Variants in THOC1 observed in about 807,000 individuals in gnomAD.
The protein encoded by THOC1 is THO complex subunit 1.
In THOC1, 29 loss-of-function variants were observed where a neutral mutation model predicts 97.3. The ratio of observed to expected loss-of-function variants is 0.30; its 90% CI spans 0.22 to 0.41. THOC1 has a LOEUF of 0.41. Ranked by LOEUF, THOC1 falls within the 10% of genes least tolerant of loss-of-function variation. The probability of loss-of-function intolerance (pLI) is 1.00; values close to 1 mark genes in which losing one functional copy is unlikely to be tolerated. For missense variants in THOC1, 529 were observed against 761.9 expected, an observed-to-expected ratio of 0.69 and a Z score of 3.60; for synonymous variants, 255 against 257.0, an observed-to-expected ratio of 0.99 and a Z score of 0.07.
intron 17 of THOC1, among the ~76,000 whole-genome samples, chr18:219,888 T>C (rs1435012855): frequency 6.6e-6 from 1 of 152,212 alleles, no homozygotes; most frequent in Non-Finnish European, 1.5e-5. Context: ...TTAGCTCTTA[T>C]TTAAATTGTT....
At chr18:265,047 C>A (rs1000353012) in intron 3 of THOC1, 5 of 420,300 alleles carry the variant, frequency 1.2e-5, no homozygotes, top group African/African-American at 1.0e-4. Flanking sequence ...TCTAGTTCTT[C>A]CTAAGACCTC....
At chr18:220,296 CAT>C (rs1299880346) in intron 17 of THOC1, among the ~76,000 whole-genome samples, 1 of 152,202 alleles carries the variant, frequency 6.6e-6, no homozygotes, top group Admixed American at 6.5e-5. Context: ...CCAGTACACA[CAT>C]ATATGCAAGT....
chr18:223,554 CAT>C, intron 16 of THOC1, 49 bp from the exon 17 acceptor site: 1 of 1,420,030 alleles, frequency 7.0e-7, no homozygotes, highest in Admixed American at 2.1e-5. Flanking sequence ...ACACCATCCT[CAT>C]GTGCCTTGAA....
At position 225,614 on chromosome 18, in the gene THOC1, T is replaced by C. The variant is rs534734528; in HGVS notation, c.1020-211A>G. 13 of 543,052 alleles carry C rather than the reference T, an allele frequency of 2.4e-5. No individual in the cohort carries two copies. In the East Asian group the frequency reaches 3.9e-4, roughly 16 times the overall value. The allele number at this position is 543,052 out of a possible 1,614,324, so 33.6% of individuals were successfully genotyped here. On this transcript the variant is annotated intron_variant, in intron 12 of 20. Coordinates refer to ENST00000261600, the MANE Select transcript of THOC1 (RefSeq NM_005131.3). Reference sequence around the variant, plus strand: ...TTGGTACTGAAGACATAAAAGCATATGCAGGGAATAAAACATTCAATTAAT... The same window carrying C: ...TTGGTACTGAAGACATAAAAGCATACGCAGGGAATAAAACATTCAATTAAT...
rs895084038 is a variant in THOC1, at chr18:228,875, T to C, written c.919-1974A>G. Reference sequence around the variant, plus strand: ...ACATCTGTTTTTAATCAGCAATCTTTCTTTATTCTTCAAGGCCATTCTCTC... The same window carrying C: ...ACATCTGTTTTTAATCAGCAATCTTCCTTTATTCTTCAAGGCCATTCTCTC... On this transcript the variant is annotated intron_variant, in intron 11 of 20. Coordinates refer to ENST00000261600, the MANE Select transcript of THOC1 (RefSeq NM_005131.3). 9.2e-5 allele frequency among the ~76,000 whole-genome samples: 14 copies of C among 152,328 alleles called. No homozygotes were observed. The East Asian group carries it at 2.7e-3, about 29-fold the overall frequency.
chr18:261,477 ACAG>A (rs1264340869), intron 4 of THOC1, among the ~76,000 whole-genome samples: 2 of 152,228 alleles, frequency 1.3e-5, no homozygotes, highest in Non-Finnish European at 2.9e-5. Flanking sequence ...GTGAAATAAA[ACAG>A]CAGATTTCAA....
chr18:251,510 A>G (rs1247094454), intron 9 of THOC1, among the ~76,000 whole-genome samples: 1 of 152,162 alleles, frequency 6.6e-6, no homozygotes, highest in Non-Finnish European at 1.5e-5. Context: ...GAAATTATGG[A>G]AAGTCTTCAA....
At chr18:264,432 G>A (rs1171978637) in intron 3 of THOC1, among the ~76,000 whole-genome samples, 13 of 152,212 alleles carry the variant, frequency 8.5e-5, no homozygotes, top group Admixed American at 8.5e-4. Flanking sequence ...GCAGGGCTAT[G>A]AGAATTAACT....
Position 246,387 on chromosome 18 carries a change from C to G in THOC1, c.855G>C (p.Lys285Asn), listed in dbSNP as rs1471695835. 1.9e-6 allele frequency: 3 copies of G among 1,604,810 alleles called. No individual in the cohort carries two copies. In the South Asian group the frequency reaches 3.3e-5, roughly 18 times the overall value. The change falls in exon 11 of 21, where the codon AAG (lysine) becomes AAC (asparagine). Residue 285 changes from lysine to asparagine, a missense_variant. Coordinates refer to ENST00000261600, the MANE Select transcript of THOC1 (RefSeq NM_005131.3). ...CTCCTCCTGTTTTCAATTCTTCCATCTTTTTTCTTGAGGCCTGAGTATCAT... is the reference window on the plus strand; with the variant it reads ...CTCCTCCTGTTTTCAATTCTTCCATGTTTTTTCTTGAGGCCTGAGTATCAT... ...KLDDTQASRK[K>N]MEELKTGGEH...
At chr18:241,071 G>A (rs1400495927) in intron 11 of THOC1, among the ~76,000 whole-genome samples, 1 of 152,132 alleles carries the variant, frequency 6.6e-6, no homozygotes, top group Non-Finnish European at 1.5e-5. Flanking sequence ...AAATACAGAT[G>A]AAGCTTCGCT....
Position 224,064 on chromosome 18 carries a change from A to T in THOC1, c.1304+20T>A, listed in dbSNP as rs771402882. 5.3e-6 allele frequency: 8 copies of T among 1,496,840 alleles called. No homozygotes were observed. In the Admixed American group the frequency reaches 9.0e-5, roughly 17 times the overall value. The allele number at this position is 1,496,840 out of a possible 1,614,324, so 92.7% of individuals were successfully genotyped here. ...ATAAAAATAACTAAGAACATCCCAC[A>T]TGAAGACAAATTCACCTACTTTCCC... On this transcript the variant is annotated intron_variant, in intron 16 of 20. Coordinates refer to ENST00000261600, the MANE Select transcript of THOC1 (RefSeq NM_005131.3).
At chr18:264,414 G>A (rs1434659639) in intron 3 of THOC1, among the ~76,000 whole-genome samples, 3 of 152,204 alleles carry the variant, frequency 2.0e-5, no homozygotes, top group Admixed American at 6.5e-5. Flanking sequence ...CAGTGGCACA[G>A]GGCAAAGGCA....
chr18:260,655 A>T (rs953827044), intron 4 of THOC1: 5 of 154,908 alleles, frequency 3.2e-5, no homozygotes, highest in African/African-American at 1.2e-4. Context: ...ACTGAGACAC[A>T]GAGAGGTTAA....
At chr18:215,741 G>A (rs1363638420) in intron 19 of THOC1, 9 of 449,786 alleles carry the variant, frequency 2.0e-5, no homozygotes, top group Non-Finnish European at 4.0e-6. Flanking sequence ...CCCAATCTGG[G>A]AAGCAGGAAG....
chr18:214,937 A>G lies in THOC1; in HGVS notation c.1679-16T>C, dbSNP rs1442827489. 1.2e-6 allele frequency: 2 copies of G among 1,611,140 alleles called. No individual in the cohort carries two copies. Among genetic ancestry groups the G allele is most frequent in the Non-Finnish European group, 1.7e-6 (2 of 1,178,398 alleles). On this transcript the variant is annotated splice_polypyrimidine_tract_variant and intron_variant, in intron 20 of 20. Transcript: ENST00000261600. ...ACATCAGGACCTAGAAAATGAAGAG[A>G]ATATAAATTATGCGCAATTCTAAGT...
Position 214,649 on chromosome 18 carries a change from T to G in THOC1, c.1951A>C (p.Asn651His). 2 of 1,613,022 alleles carry G rather than the reference T, an allele frequency of 1.2e-6. No homozygotes were observed. Among genetic ancestry groups the G allele is most frequent in the Non-Finnish European group, 1.7e-6 (2 of 1,179,436 alleles). The change falls in exon 21 of 21, where the codon AAT (asparagine) becomes CAT (histidine). Residue 651 changes from asparagine (N) to histidine (H), a missense_variant. By Grantham distance (68) the Asn-to-His change is moderately conservative. Transcript: ENST00000261600. ...GLSDLAESLT[N>H]DNETNS ...AGCTAACTATTTGTCTCATTGTCATTAGTTAGACTTTCTGCAAGGTCACTT... is the reference window on the plus strand; with the variant it reads ...AGCTAACTATTTGTCTCATTGTCATGAGTTAGACTTTCTGCAAGGTCACTT...
At chr18:236,654 C>T (rs1232537498) in intron 11 of THOC1, among the ~76,000 whole-genome samples, 2 of 152,006 alleles carry the variant, frequency 1.3e-5, no homozygotes, top group East Asian at 1.9e-4. Context: ...TGAGCCACCG[C>T]GCCCGGCGAA....
intron 7 of THOC1, among the ~76,000 whole-genome samples, chr18:258,856 G>A (rs1295343708): frequency 6.6e-6 from 1 of 152,080 alleles, no homozygotes; most frequent in Non-Finnish European, 1.5e-5. Flanking sequence ...CTAAATAGTT[G>A]TGACTGAGAG....
At chr18:253,324 G>A (rs1912339397) in intron 8 of THOC1, among the ~76,000 whole-genome samples, 1 of 152,176 alleles carries the variant, frequency 6.6e-6, no homozygotes, top group Non-Finnish European at 1.5e-5. Flanking sequence ...GCAGACTGAT[G>A]CAATATTATA....
Sources: gnomAD v4.1 joint callset for allele counts (sites outside exome capture counted in the v4.1 genomes callset) on GRCh38, gnomAD v4.1.1 for gene constraint, MANE v1.5 for transcripts, NCBI Gene and HGNC (gene_info 2026-07-23, HGNC 2026-07-21) for gene names.